NKD1: variants seen among roughly 807,000 people sequenced by gnomAD.
NKD1 encodes the protein NKD inhibitor of Wnt signaling pathway 1.
Under a neutral mutation model 56.0 loss-of-function variants are expected in NKD1, and 21 were observed. That is an observed-to-expected ratio of 0.38 (90% CI 0.27 to 0.54). The LOEUF (loss-of-function observed/expected upper bound fraction) is 0.54. Among genes scored for constraint, NKD1 ranks in the 20% least tolerant of loss-of-function variants. The pLI, the probability that NKD1 is intolerant of heterozygous loss-of-function variation, is 0.82. For synonymous variants in NKD1, 263 were observed against 265.7 expected (o/e 0.99, Z 0.10); for missense variants, 578 against 642.7 (o/e 0.90, Z 1.09).
intron 6 of NKD1, among the ~76,000 whole-genome samples, chr16:50,626,403 A>G (rs1260449186): frequency 6.6e-6 from 1 of 152,076 alleles, no homozygotes; most frequent in Non-Finnish European, 1.5e-5. Flanking sequence ...GTGCTGGGAC[A>G]GAGACTGGCT....
rs562915673 is a variant in NKD1, at chr16:50,606,620, C to A, written c.193-1674C>A. On this transcript the variant is annotated intron_variant, in intron 3 of 9. Transcript: ENST00000268459. ...TCCCACACGGCTGCCTTGTTGGTGG[C>A]GATGTCTGGAGTCTTTAAACTCTTC... 5.2e-4 allele frequency: 193 copies of A among 369,926 alleles called. 2 individuals are homozygous for A. Among genetic ancestry groups the A allele is most frequent in the African/African-American group, 3.8e-3 (179 of 47,474 alleles). 22.9% of individuals were successfully genotyped at this position (369,926 alleles called of 1,614,324 possible).
chr16:50,590,045 A>G (rs186301506), intron 3 of NKD1, among the ~76,000 whole-genome samples: 17 of 152,084 alleles, frequency 1.1e-4, no homozygotes, highest in African/African-American at 3.9e-4. Context: ...AGGTCTTGCT[A>G]TGATTCCCAG....
At chr16:50,615,281 T>C (rs1003697508) in intron 4 of NKD1, among the ~76,000 whole-genome samples, 1 of 152,244 alleles carries the variant, frequency 6.6e-6, no homozygotes, top group Non-Finnish European at 1.5e-5. Flanking sequence ...TACCGTTGTT[T>C]CATTTTGATG....
intron 3 of NKD1, among the ~76,000 whole-genome samples, chr16:50,587,289 T>C (rs191941592): frequency 1.3e-5 from 2 of 152,352 alleles, no homozygotes. Flanking sequence ...CTAGACTATG[T>C]CAAGACTGCT....
chr16:50,562,001 C>T (rs566772224), intron 3 of NKD1, among the ~76,000 whole-genome samples: 1 of 152,166 alleles, frequency 6.6e-6, no homozygotes, highest in African/African-American at 2.4e-5. Context: ...GGGTGGCTCA[C>T]GAAGGGACTA....
At chr16:50,561,083 C>T (rs1174706874) in intron 3 of NKD1, among the ~76,000 whole-genome samples, 1 of 152,106 alleles carries the variant, frequency 6.6e-6, no homozygotes, top group African/African-American at 2.4e-5. Context: ...TGGGTCAGTG[C>T]TCCCAGGGAT....
At chr16:50,550,692 CG>C (rs1298213627) in intron 3 of NKD1, among the ~76,000 whole-genome samples, 3 of 152,028 alleles carry the variant, frequency 2.0e-5, no homozygotes, top group Non-Finnish European at 4.4e-5. Context: ...TCTTGGTGGG[CG>C]GGGGGCACTG....
In NKD1 at chr16:50,575,102, T is replaced by C. The variant is rs1960964998; in HGVS notation, c.192+25547T>C. On this transcript the variant is annotated intron_variant, in intron 3 of 9. Transcript: ENST00000268459. ...TGACACCAGTAAGTAGGTGTTTTTT[T>C]TTTTTTTCCTTTAGCCAAGAAGTAT... is the stretch of plus-strand genomic sequence containing the variant. 3 of 985,120 alleles carry C rather than the reference T, an allele frequency of 3.0e-6. No individual in the cohort carries two copies. In the South Asian group the frequency reaches 1.4e-4, roughly 46 times the overall value. 61.0% of individuals were successfully genotyped at this position (985,120 alleles called of 1,614,324 possible).
At chr16:50,595,248 C>G (rs1211229675) in intron 3 of NKD1, among the ~76,000 whole-genome samples, 1 of 152,192 alleles carries the variant, frequency 6.6e-6, no homozygotes, top group Admixed American at 6.5e-5. Context: ...AGTCCTGTCC[C>G]TTTTTGAGCC....
chr16:50,549,390 G>C (rs757215309), intron 2 of NKD1, 32 bp from the exon 3 acceptor site: 2 of 1,604,350 alleles, frequency 1.2e-6, no homozygotes, highest in African/African-American at 2.7e-5. Flanking sequence ...CCTGGAGCCA[G>C]ACTCAGGGGC....
intron 4 of NKD1, 49 bp downstream of exon 4, chr16:50,608,409 C>A: frequency 1.6e-6 from 2 of 1,279,300 alleles, no homozygotes; most frequent in Non-Finnish European, 1.1e-6. Flanking sequence ...GTGGGGGAAG[C>A]GGGTGTTCAG....
intron 3 of NKD1, among the ~76,000 whole-genome samples, chr16:50,586,387 GGTGGGTGGC>G: frequency 8.5e-6 from 1 of 117,098 alleles, no homozygotes. Context: ...TTGGGCGGGG[GGTGGGTGGC>G]TGTCTCCCTA....
intron 3 of NKD1, among the ~76,000 whole-genome samples, chr16:50,583,144 A>G (rs1408166045): frequency 6.6e-6 from 1 of 152,066 alleles, no homozygotes; most frequent in African/African-American, 2.4e-5. Context: ...TCCCACTGAG[A>G]GGTAGAGTTT....
intron 3 of NKD1, among the ~76,000 whole-genome samples, chr16:50,602,983 G>T (rs557519627): frequency 6.6e-6 from 1 of 152,364 alleles, no homozygotes; most frequent in African/African-American, 2.4e-5. Flanking sequence ...TCCCAGGGTG[G>T]ACATTGAGGC....
chr16:50,567,964 G>C (rs1379844637), intron 3 of NKD1, among the ~76,000 whole-genome samples: 1 of 152,242 alleles, frequency 6.6e-6, no homozygotes, highest in Admixed American at 6.5e-5. Flanking sequence ...GAGTTACCAA[G>C]TTTTACAGAA....
intron 3 of NKD1, among the ~76,000 whole-genome samples, chr16:50,552,965 G>A (rs545180591): frequency 6.6e-6 from 1 of 152,368 alleles, no homozygotes; most frequent in East Asian, 1.9e-4. Context: ...AGGAGAAAAG[G>A]AATGAGAAAT....
rs746432819 is a variant in NKD1 at position 50,598,356 on chromosome 16, G to A, written c.193-9938G>A. On this transcript the variant is annotated intron_variant, in intron 3 of 9. Transcript: ENST00000268459. The surrounding 1 kb of genome is among the most constrained non-coding windows in gnomAD (Gnocchi z 4.2). The stretch of plus-strand genomic sequence containing the variant: ...AAGAGGCTCTTACTTCATCTGTTTC[G>A]TTTAGGTTCAGAAAAGCAAGAAGCT... Among the ~76,000 whole-genome samples the A allele has an allele frequency of 1.3e-5, 2 of 151,980 alleles. No homozygotes were observed. Among genetic ancestry groups the A allele is most frequent in the Admixed American group, 6.6e-5 (1 of 15,262 alleles).
Position 50,632,501 on chromosome 16 carries a change from C to A in NKD1, c.823+93C>A. 7.9e-7 allele frequency: 1 copy of A among 1,263,546 alleles called. No individual in the cohort carries two copies. The highest frequency in any genetic ancestry group is 1.1e-6 in the Non-Finnish European group (1 of 878,158). The allele number at this position is 1,263,546 out of a possible 1,614,324, so 78.3% of individuals were successfully genotyped here. On this transcript the variant is annotated intron_variant, in intron 9 of 9. Transcript: ENST00000268459. This position sits in a 1 kb window ranked among gnomAD's most constrained non-coding sequence, Gnocchi z 4.1. ...GTGCGGGTGGTGTTCACTGCTACCC[C>A]AGGCTTCGGTAAGACAACTATTATG...
chr16:50,587,736 G>C (rs1485499052), intron 3 of NKD1, among the ~76,000 whole-genome samples: 1 of 152,196 alleles, frequency 6.6e-6, no homozygotes, highest in Non-Finnish European at 1.5e-5. Flanking sequence ...CCAAGGGTGG[G>C]TACAGGTCTG....
Sources: gnomAD v4.1 joint callset for allele counts (sites outside exome capture counted in the v4.1 genomes callset) on GRCh38, gnomAD v4.1.1 for gene constraint, Gnocchi (gnomAD v3.1) non-coding constraint, MANE v1.5 for transcripts, NCBI Gene and HGNC (gene_info 2026-07-23, HGNC 2026-07-21) for gene names.